RBFOX1: variants seen among roughly 807,000 people sequenced by gnomAD.
RBFOX1 encodes the protein RNA binding protein fox-1 homolog 1.
Under a neutral mutation model 57.7 loss-of-function variants are expected in RBFOX1, and 8 were observed. That is an observed-to-expected ratio of 0.14 (90% CI 0.08 to 0.25). RBFOX1 has a LOEUF of 0.25. Ranked by LOEUF, RBFOX1 falls within the 10% of genes least tolerant of loss-of-function variation. RBFOX1 has a pLI of 1.00. For missense variants in RBFOX1, 611 were observed against 548.5 expected (o/e 1.11, Z -1.14); for synonymous variants, 326 against 222.4 (o/e 1.47, Z -4.15).
intron 4 of RBFOX1, among the ~76,000 whole-genome samples, chr16:5,885,307 C>G (rs2057871502): frequency 6.7e-6 from 1 of 149,274 alleles, no homozygotes; most frequent in Non-Finnish European, 1.5e-5. Flanking sequence ...TCACGTTAGA[C>G]TCCTGGAGGC....
chr16:6,339,959 G>A (rs1435815522), intron 2 of RBFOX1, among the ~76,000 whole-genome samples: 2 of 152,102 alleles, frequency 1.3e-5, no homozygotes, highest in Non-Finnish European at 2.9e-5. Context: ...TTACAGGCAT[G>A]AGCCACCGTG....
At chr16:6,249,037 T>C (rs2097585950) in intron 1 of RBFOX1, among the ~76,000 whole-genome samples, 1 of 152,132 alleles carries the variant, frequency 6.6e-6, no homozygotes, top group African/African-American at 2.4e-5. Context: ...GCAACAAACA[T>C]AAATTGATCA....
At chr16:5,737,866 A>G (rs1015122286) in intron 3 of RBFOX1, among the ~76,000 whole-genome samples, 2 of 152,156 alleles carry the variant, frequency 1.3e-5, no homozygotes, top group African/African-American at 4.8e-5. Context: ...ATTTATTTTT[A>G]AAAATTATAC....
At chr16:6,971,325 C>T (rs145019555) in intron 3 of RBFOX1, among the ~76,000 whole-genome samples, 2 of 152,226 alleles carry the variant, frequency 1.3e-5, no homozygotes, top group Non-Finnish European at 2.9e-5. Flanking sequence ...GCCACAGAAA[C>T]ATCCATGGAA....
At chr16:7,274,988 G>A (rs1200899862) in intron 4 of RBFOX1, among the ~76,000 whole-genome samples, 1 of 152,122 alleles carries the variant, frequency 6.6e-6, no homozygotes, top group Non-Finnish European at 1.5e-5. Flanking sequence ...CTGCCCAAAA[G>A]CATTAGCTTC....
At chr16:5,242,386 C>A (rs572284044) in intron 1 of RBFOX1, among the ~76,000 whole-genome samples, 2 of 152,310 alleles carry the variant, frequency 1.3e-5, no homozygotes, top group African/African-American at 4.8e-5. Context: ...AGTCCGGCGG[C>A]CCCTCGAAAA....
chr16:6,654,676 G>T (rs780981983), intron 3 of RBFOX1, 26 bp downstream of exon 3: 59 of 1,488,856 alleles, frequency 4.0e-5, no homozygotes, highest in Middle Eastern at 3.4e-4. Flanking sequence ...TCATTTTTAG[G>T]GTTGCAAACA....
At chr16:5,438,237 C>A (rs1198099678) in intron 1 of RBFOX1, among the ~76,000 whole-genome samples, 1 of 152,188 alleles carries the variant, frequency 6.6e-6, no homozygotes, top group African/African-American at 2.4e-5. Flanking sequence ...GTTGTGATCA[C>A]CCTCACTCCC....
intron 4 of RBFOX1, among the ~76,000 whole-genome samples, chr16:7,105,447 A>G (rs35569480): frequency 0.32 from 48,432 of 151,794 alleles, 8,433 homozygotes; most frequent in South Asian, 0.39. Context: ...TATACACTGC[A>G]CCCAATTTGT....
chr16:5,442,904 G>A (rs2068127420), intron 1 of RBFOX1, among the ~76,000 whole-genome samples: 1 of 152,134 alleles, frequency 6.6e-6, no homozygotes, highest in Non-Finnish European at 1.5e-5. Flanking sequence ...CATTTAAGAT[G>A]GACCTGAAAT....
intron 3 of RBFOX1, among the ~76,000 whole-genome samples, chr16:5,820,700 G>T (rs867049818): frequency 6.6e-6 from 1 of 152,074 alleles, no homozygotes; most frequent in Non-Finnish European, 1.5e-5. Flanking sequence ...TGAATTGTTG[G>T]GACGCGACTC....
At chr16:6,639,648 G>A (rs1465470214) in intron 2 of RBFOX1, among the ~76,000 whole-genome samples, 8 of 152,212 alleles carry the variant, frequency 5.3e-5, no homozygotes, top group Middle Eastern at 3.4e-3. Context: ...AGGCCGAGGC[G>A]GGCGGATCAC....
chr16:6,225,387 G>A (rs1446574153), intron 1 of RBFOX1, among the ~76,000 whole-genome samples: 2 of 152,058 alleles, frequency 1.3e-5, no homozygotes, highest in Non-Finnish European at 1.5e-5. Context: ...GAGAGAACTT[G>A]GTTATGAAGC....
At chr16:7,034,848 C>CTTTTCTTTTTTTTTTTTTTTTTTTTTTT in intron 3 of RBFOX1, among the ~76,000 whole-genome samples, 47 of 30,836 alleles carry the variant, frequency 1.5e-3, no homozygotes, top group African/African-American at 3.8e-3. Flanking sequence ...TTTCTTTTTT[C>CTTTTCTTTTTTTTTTTTTTTTTTTTTTT]TTTTTTTTTT....
Position 5,557,303 on chromosome 16 carries a change from A to T in RBFOX1, c.259-41599A>T, listed in dbSNP as rs1597514392. ...TAAATAAATAAATAAATAAATAAATAAAAATTTCTGAAAGGTTGTTTGCGT... is the reference window on the plus strand; with the variant it reads ...TAAATAAATAAATAAATAAATAAATTAAAATTTCTGAAAGGTTGTTTGCGT... On this transcript the variant is annotated intron_variant, in intron 2 of 2. Coordinates refer to the RBFOX1 transcript ENST00000585867. Among the ~76,000 whole-genome samples, 5 of 146,344 alleles carry T rather than the reference A, an allele frequency of 3.4e-5. No individual in the cohort carries two copies. The South Asian group carries it at 8.5e-4, about 25-fold the overall frequency.
At chr16:6,470,648 T>A (rs2095152893) in intron 2 of RBFOX1, among the ~76,000 whole-genome samples, 1 of 152,186 alleles carries the variant, frequency 6.6e-6, no homozygotes, top group Non-Finnish European at 1.5e-5. Context: ...CAACTTGATG[T>A]GGTCAAAATG....
At chr16:5,498,272 A>G (rs2043070156) in intron 2 of RBFOX1, among the ~76,000 whole-genome samples, 2 of 152,086 alleles carry the variant, frequency 1.3e-5, no homozygotes. Flanking sequence ...CTTCTCAACG[A>G]ACTGGGATTA....
chr16:7,059,629 G>A (rs1244641333), intron 4 of RBFOX1, among the ~76,000 whole-genome samples: 2 of 152,180 alleles, frequency 1.3e-5, no homozygotes, highest in South Asian at 2.1e-4. Context: ...AAGCTTACCT[G>A]ATTGACCTTC....
At chr16:6,958,745 C>G (rs1054812671) in intron 3 of RBFOX1, among the ~76,000 whole-genome samples, 1 of 152,094 alleles carries the variant, frequency 6.6e-6, no homozygotes, top group Non-Finnish European at 1.5e-5. Flanking sequence ...AATCTTTTAT[C>G]ATATGCTTAA....
Sources: gnomAD v4.1 joint callset for allele counts (sites outside exome capture counted in the v4.1 genomes callset) on GRCh38, gnomAD v4.1.1 for gene constraint, MANE v1.5 for transcripts, NCBI Gene and HGNC (gene_info 2026-07-23, HGNC 2026-07-21) for gene names.